Variants in PIEZO1 observed in about 807,000 individuals in gnomAD.
PIEZO1 encodes the protein piezo-type mechanosensitive ion channel component 1.
In PIEZO1, 296 loss-of-function variants were observed where a neutral mutation model predicts 297.2. That is an observed-to-expected ratio of 1.00 (90% confidence interval 0.91 to 1.10). The LOEUF (loss-of-function observed/expected upper bound fraction) is 1.10, where lower values mean the gene tolerates loss of function less well. PIEZO1 is among the 50% of genes least tolerant of loss of function. The pLI, the probability that PIEZO1 is intolerant of heterozygous loss-of-function variation, is 0.00. For synonymous variants in PIEZO1, 2,427 were observed against 1,507.5 expected (o/e 1.61, Z -14.13); for missense variants, 5,018 against 3,455.5 (o/e 1.45, Z -11.34).
intron 34 of PIEZO1, 24 bp downstream of exon 34, chr16:88,722,788 GGCGTAGTCAGGCAGAGCAGGGACGA>G (rs1567662875): frequency 1.3e-6 from 2 of 1,532,938 alleles, no homozygotes; most frequent in Admixed American, 2.0e-5. Flanking sequence ...AGCAGGCAGG[GGCGTAGTCAGGCAGAGCAGGGACGA>G]GCGTGGTGCA....
intron 22 of PIEZO1, 128 bp from the exon 23 acceptor site, chr16:88,727,789 G>A: frequency 4.3e-6 from 2 of 469,954 alleles, no homozygotes; most frequent in Non-Finnish European, 7.7e-6. Context: ...GCGCACACCT[G>A]GTGTCTCGAG....
rs990160225 is a variant in PIEZO1 at position 88,775,373 on chromosome 16, C to T, written c.64+9528G>A. On this transcript the variant is annotated intron_variant, in intron 1 of 50. Transcript: ENST00000301015. ...AGAGGACGTTCAGTGGCAGGTAGAGCCCCTGAGCAGAACCCCCAAGAGTGT... is the reference window on the plus strand; with the variant it reads ...AGAGGACGTTCAGTGGCAGGTAGAGTCCCTGAGCAGAACCCCCAAGAGTGT... 7.9e-5 allele frequency among the ~76,000 whole-genome samples: 12 copies of T among 152,206 alleles called. No individual in the cohort carries two copies. In the East Asian group the frequency reaches 1.7e-3, roughly 22 times the overall value.
chr16:88,750,893 C>A (rs761099152), intron 1 of PIEZO1, among the ~76,000 whole-genome samples: 1 of 151,874 alleles, frequency 6.6e-6, no homozygotes, highest in Non-Finnish European at 1.5e-5. Context: ...AGCCTCAGGA[C>A]CCCGGTCAGG....
intron 2 of PIEZO1, chr16:88,743,457 G>A (rs1905831880): frequency 4.5e-6 from 2 of 445,902 alleles, no homozygotes; most frequent in Non-Finnish European, 9.1e-6. Context: ...AACAGCTCAG[G>A]CCCTTCTCAC....
chr16:88,730,366 G>GGCGGAA (rs1272338335), intron 22 of PIEZO1, among the ~76,000 whole-genome samples: 1 of 151,852 alleles, frequency 6.6e-6, no homozygotes, highest in Non-Finnish European at 1.5e-5. Context: ...TAATTTGGGA[G>GGCGGAA]GCGGGTGGAT....
chr16:88,779,161 C>G (rs1907812554), intron 1 of PIEZO1, among the ~76,000 whole-genome samples: 1 of 151,750 alleles, frequency 6.6e-6, no homozygotes, highest in Non-Finnish European at 1.5e-5. Flanking sequence ...CCTGTCTCAG[C>G]CTTCCCAGCT....
intron 1 of PIEZO1, among the ~76,000 whole-genome samples, chr16:88,763,231 G>C (rs867512701): frequency 6.6e-6 from 1 of 152,214 alleles, no homozygotes; most frequent in Admixed American, 6.5e-5. Flanking sequence ...CGGGGGCCCA[G>C]TTCCTCTAGG....
At position 88,738,265 on chromosome 16, in the gene PIEZO1, C is replaced by A; in HGVS notation, c.810G>T (p.Leu270Phe). 13 of 1,535,886 alleles carry A rather than the reference C, an allele frequency of 8.5e-6. No homozygotes were observed. Among genetic ancestry groups the A allele is most frequent in the Non-Finnish European group, 1.1e-5 (13 of 1,146,862 alleles). The change falls in exon 7 of 51, where the codon TTG becomes TTT. Residue 270 changes from leucine (L) to phenylalanine (F), a missense_variant. By Grantham distance (22) the Leu-to-Phe change is conservative (BLOSUM62 0). Transcript: ENST00000301015. ...CGGCAGGCGGGAGCAGAGCCTGTGC[C>A]AAGGGCATCTGGTAGCAGTAGAGGC... ...LICLYCYQMP[L>F]AQALLPPAGI...
In PIEZO1 at chr16:88,721,407, C is replaced by T. The variant is rs1282906226; in HGVS notation, c.5427G>A (p.Glu1809=). The change falls in exon 39 of 51, where the codon GAG becomes GAA. Residue 1809 remains glutamate, a synonymous_variant. Transcript: ENST00000301015. Reference sequence around the variant, plus strand: ...CATGCTCCTTGGATGGTGAGTCCTCCTCATGGTCCCAGAGGCCATAGCACT... The same window carrying T: ...CATGCTCCTTGGATGGTGAGTCCTCTTCATGGTCCCAGAGGCCATAGCACT... ...QLLCYGLWDH[E]EDSPSKEHDK... The T allele has an allele frequency of 6.5e-6, 10 of 1,549,596 alleles. No individual in the cohort carries two copies. Among genetic ancestry groups the T allele is most frequent in the East Asian group, 2.4e-5 (1 of 40,924 alleles).
At position 88,722,640 on chromosome 16, in the gene PIEZO1, G is replaced by A. The variant is rs766628276; in HGVS notation, c.4718C>T (p.Ala1573Val). Residue 1573 changes from alanine (A) to valine (V), a missense_variant, in exon 35 of 51, where the codon GCC becomes GTC. By Grantham distance (64) the Ala-to-Val change is moderately conservative (BLOSUM62 0). Coordinates refer to ENST00000301015, the MANE Select transcript of PIEZO1 (RefSeq NM_001142864.4). ...GGTGGGGCCTGGCAGCGTGGCCTCG[G>A]CCTGGCTTGTGTACAGCTGATCCAG... ...GVLDQLYTSQ[A>V]EATLPGPTEA... 3.3e-6 allele frequency: 5 copies of A among 1,538,452 alleles called. No individual in the cohort carries two copies. In the East Asian group the frequency reaches 7.3e-5, roughly 23 times the overall value.
intron 44 of PIEZO1, 139 bp from the exon 45 acceptor site, chr16:88,717,350 G>A (rs1479135753): frequency 5.6e-6 from 4 of 715,636 alleles, no homozygotes; most frequent in South Asian, 1.6e-5. Flanking sequence ...ATGGTGGGCA[G>A]ACACAGGCCA....
At chr16:88,728,423 G>A (rs1303450107) in intron 22 of PIEZO1, among the ~76,000 whole-genome samples, 1 of 151,450 alleles carries the variant, frequency 6.6e-6, no homozygotes, top group Non-Finnish European at 1.5e-5. Context: ...CCCAGGACAT[G>A]CTGAACTCAC....
chr16:88,752,636 G>GGCTGGA (rs747319709), intron 1 of PIEZO1, among the ~76,000 whole-genome samples: 32 of 152,282 alleles, frequency 2.1e-4, no homozygotes, highest in Non-Finnish European at 4.1e-4. Flanking sequence ...ATGAGGGAGG[G>GGCTGGA]GCTGGAGCTG....
intron 1 of PIEZO1, among the ~76,000 whole-genome samples, chr16:88,758,947 T>G (rs968760231): frequency 6.6e-6 from 1 of 152,236 alleles, no homozygotes; most frequent in Non-Finnish European, 1.5e-5. Context: ...AAATTCCACA[T>G]GTCTAGGATG....
chr16:88,716,228 C>T lies in PIEZO1; in HGVS notation c.7099G>A (p.Glu2367Lys), dbSNP rs552562531. 6.7e-5 allele frequency: 100 copies of T among 1,497,004 alleles called. No individual in the cohort carries two copies. The highest frequency in any genetic ancestry group is 3.5e-4 in the Middle Eastern group (2 of 5,692). 92.7% of individuals were successfully genotyped at this position (1,497,004 alleles called of 1,614,324 possible). The part of the protein sequence containing the change: ...PKYIRAPNGP[E>K]ANPVKQLQPN... ...TGCAGCTGCTTCACAGGGTTGGCTT[C>T]GGGCCCGTTGGGGGCACGGATGTAC... is the stretch of plus-strand genomic sequence containing the variant. Residue 2367 changes from glutamate to lysine, a missense_variant, in exon 49 of 51, where the codon GAA becomes AAA. Glu to Lys is a moderately conservative substitution (Grantham distance 56). Coordinates refer to ENST00000301015, the MANE Select transcript of PIEZO1 (RefSeq NM_001142864.4).
At position 88,727,163 on chromosome 16, in the gene PIEZO1, G is replaced by T. The variant is rs1161335800; in HGVS notation, c.3331C>A (p.Gln1111Lys). The T allele has an allele frequency of 1.3e-6, 2 of 1,547,320 alleles. No individual in the cohort carries two copies. The highest frequency in any genetic ancestry group is 3.9e-5 in the Admixed American group (2 of 50,906). ...SDFLLLLCAS[Q>K]QWQVFSAERT... ...TCAGCTGAGAACACCTGCCACTGCTGGGAGGCGCACAGCAGCAGGAGAAAG... is the reference window on the plus strand; with the variant it reads ...TCAGCTGAGAACACCTGCCACTGCTTGGAGGCGCACAGCAGCAGGAGAAAG... The change falls in exon 24 of 51, where the codon CAG (glutamine) becomes AAG (lysine). Residue 1111 changes from glutamine to lysine, a missense_variant. Coordinates refer to ENST00000301015, the MANE Select transcript of PIEZO1 (RefSeq NM_001142864.4).
At chr16:88,771,030 A>C (rs1597486215) in intron 1 of PIEZO1, among the ~76,000 whole-genome samples, 1 of 152,128 alleles carries the variant, frequency 6.6e-6, no homozygotes, top group East Asian at 1.9e-4. Flanking sequence ...CCACCCTATC[A>C]CGTCTTGCTC....
In PIEZO1 at chr16:88,733,344, G is replaced by T. The variant is rs771504269; in HGVS notation, c.2598C>A (p.Ile866=). ...TGAGCTGGTACAGCATCTTACACAC[G>T]ATGATGACGCAGGTCCACACGGTGG... ...CLSTVWTCVI[I]VCKMLYQLKV... The change falls in exon 19 of 51, where the codon ATC becomes ATA. Residue 866 remains isoleucine (I), a synonymous_variant. Transcript: ENST00000301015. 1.6e-5 allele frequency: 25 copies of T among 1,550,110 alleles called. No individual in the cohort carries two copies. In the African/African-American group the frequency reaches 3.0e-4, roughly 19 times the overall value.
intron 27 of PIEZO1, 24 bp downstream of exon 27, chr16:88,726,260 G>T (rs1361221469): frequency 6.5e-7 from 1 of 1,536,460 alleles, no homozygotes; most frequent in South Asian, 1.2e-5. Flanking sequence ...GGGAGCTCTG[G>T]GCTGTGTCTG....
Sources: gnomAD v4.1 joint callset for allele counts (sites outside exome capture counted in the v4.1 genomes callset) on GRCh38, gnomAD v4.1.1 for gene constraint, MANE v1.5 for transcripts, NCBI Gene and HGNC (gene_info 2026-07-23, HGNC 2026-07-21) for gene names.